The following VPS8 variants were observed in gnomAD, a reference collection of about 807,000 sequenced individuals.
The protein encoded by VPS8 is VPS8 subunit of CORVET complex, also known as vacuolar protein sorting-associated protein 8 homolog.
VPS8 carries 129 observed loss-of-function variants against 216.4 expected under a neutral mutation model. That is an observed-to-expected ratio of 0.60 (90% CI 0.52 to 0.69). VPS8 has a LOEUF of 0.69. Among genes scored for constraint, VPS8 ranks in the 30% least tolerant of loss-of-function variants. The probability of loss-of-function intolerance (pLI) is 0.00; values close to 1 mark genes in which losing one functional copy is unlikely to be tolerated. For missense variants in VPS8, 1,531 were observed against 1,683.5 expected, an observed-to-expected ratio of 0.91 and a Z score of 1.59; for synonymous variants, 571 against 565.4, an observed-to-expected ratio of 1.01 and a Z score of -0.14.
intron 2 of VPS8, 121 bp downstream of exon 2, chr3:184,824,906 T>A: frequency 6.6e-6 from 1 of 151,208 alleles, no homozygotes; most frequent in Non-Finnish European, 1.1e-5. Context: ...CTGTGTATAA[T>A]TTTTTTTTTT....
intron 37 of VPS8, among the ~76,000 whole-genome samples, chr3:184,963,237 T>C (rs1188953140): frequency 2.0e-5 from 3 of 152,144 alleles, no homozygotes; most frequent in Non-Finnish European, 4.4e-5. Flanking sequence ...CTCTGGAATT[T>C]TGATTTATGA....
In VPS8 at chr3:184,862,964, C is replaced by T. The variant is rs1560433972; in HGVS notation, c.1292C>T (p.Thr431Ile). ...AAGTTGCATGTGATTGATCGGCAAA[C>T]ACAAGAGGAATTGGAGACAGTGGAG... is the stretch of plus-strand genomic sequence containing the variant. ...VEKLHVIDRQTQEELETVEIS... is the reference protein window; with the variant it reads ...VEKLHVIDRQIQEELETVEIS... Residue 431 changes from threonine to isoleucine, a missense_variant, in exon 16 of 48, where the codon ACA becomes ATA. By Grantham distance (89) the Thr-to-Ile change is moderately conservative. Around this residue, in one of 3 missense-constraint regions of VPS8, gnomAD observed 1,318 missense variants for 1,468.4 expected, o/e 0.90. Transcript: ENST00000625842. The T allele has an allele frequency of 6.2e-7, 1 of 1,613,954 alleles. No individual in the cohort carries two copies. Among genetic ancestry groups the T allele is most frequent in the African/African-American group, 1.3e-5 (1 of 75,062 alleles).
intron 42 of VPS8, among the ~76,000 whole-genome samples, chr3:184,984,457 C>G (rs1002257740): frequency 2.0e-5 from 3 of 151,734 alleles, no homozygotes; most frequent in Non-Finnish European, 2.9e-5. Context: ...CCACGCCCAG[C>G]TGATTTTGTA....
intron 46 of VPS8, among the ~76,000 whole-genome samples, chr3:185,033,648 A>G (rs1758485036): frequency 6.6e-6 from 1 of 152,224 alleles, no homozygotes; most frequent in African/African-American, 2.4e-5. Context: ...TAGGACCATG[A>G]TTGCTGGATT....
At chr3:184,947,047 A>G (rs1743802430) in intron 36 of VPS8, among the ~76,000 whole-genome samples, 1 of 152,140 alleles carries the variant, frequency 6.6e-6, no homozygotes, top group Non-Finnish European at 1.5e-5. Flanking sequence ...TTACATAGTG[A>G]CAAGACAGGA....
At chr3:184,894,163 G>C (rs930728503) in intron 22 of VPS8, among the ~76,000 whole-genome samples, 1 of 152,054 alleles carries the variant, frequency 6.6e-6, no homozygotes. Context: ...ATTTTGGGAT[G>C]CAAAGGGTTA....
chr3:185,017,336 C>T (rs890904565), intron 45 of VPS8, among the ~76,000 whole-genome samples: 3 of 152,114 alleles, frequency 2.0e-5, no homozygotes, highest in East Asian at 1.9e-4. Flanking sequence ...CTACCAAACC[C>T]TTAAATTTCT....
chr3:184,913,271 A>G (rs1172377345), intron 25 of VPS8, among the ~76,000 whole-genome samples: 1 of 152,188 alleles, frequency 6.6e-6, no homozygotes, highest in Admixed American at 6.5e-5. Flanking sequence ...CCAACAGTAC[A>G]TAGATCTCTA....
At chr3:184,822,505 TAAA>T (rs1560256885) in intron 1 of VPS8, among the ~76,000 whole-genome samples, 1 of 152,226 alleles carries the variant, frequency 6.6e-6, no homozygotes, top group African/African-American at 2.4e-5. Context: ...TGGAAAGAGA[TAAA>T]ATATGAAACA....
chr3:184,971,515 C>A, intron 39 of VPS8, 134 bp from the exon 40 acceptor site: 1 of 558,188 alleles, frequency 1.8e-6, no homozygotes, highest in Non-Finnish European at 3.1e-6. Context: ...AAAACATTAG[C>A]ATCAGGTTTT....
intron 8 of VPS8, among the ~76,000 whole-genome samples, chr3:184,847,254 A>G (rs766308678): frequency 3.3e-5 from 5 of 152,210 alleles, no homozygotes; most frequent in Non-Finnish European, 7.4e-5. Context: ...AGGGATTACT[A>G]TTTAAGTCAT....
intron 46 of VPS8, among the ~76,000 whole-genome samples, chr3:185,043,402 C>T (rs1712133173): frequency 6.6e-6 from 1 of 152,190 alleles, no homozygotes; most frequent in South Asian, 2.1e-4. Context: ...CTTCCCAGCC[C>T]TTCCCTCACA....
intron 36 of VPS8, among the ~76,000 whole-genome samples, chr3:184,947,769 G>A (rs962293437): frequency 1.9e-4 from 29 of 152,058 alleles, no homozygotes; most frequent in African/African-American, 6.8e-4. Flanking sequence ...GATTTTTCTG[G>A]ATTGCTGTTT....
intron 39 of VPS8, among the ~76,000 whole-genome samples, chr3:184,969,532 C>T (rs1012747942): frequency 3.4e-5 from 5 of 146,814 alleles, no homozygotes; most frequent in African/African-American, 1.3e-4. Flanking sequence ...CGGGTTCAAG[C>T]GATCCTCCTG....
At chr3:184,823,592 T>TTTA (rs199720067) in intron 1 of VPS8, among the ~76,000 whole-genome samples, 3 of 152,188 alleles carry the variant, frequency 2.0e-5, no homozygotes, top group East Asian at 1.9e-4. Context: ...CAAAATGATC[T>TTTA]TTATTATTAT....
chr3:184,813,485 G>C (rs111528260), intron 1 of VPS8, among the ~76,000 whole-genome samples: 386 of 152,242 alleles, frequency 2.5e-3, no homozygotes, highest in Middle Eastern at 0.01. Flanking sequence ...GTAAGACGTG[G>C]GTTTGCTCAT....
chr3:184,849,428 A>C (rs1723840061), intron 9 of VPS8: 1 of 363,366 alleles, frequency 2.8e-6, no homozygotes. Context: ...TATTTGAGTA[A>C]ATAATTTTTG....
chr3:184,910,128 ATTTT>A (rs10707371), intron 25 of VPS8, among the ~76,000 whole-genome samples: 3 of 87,260 alleles, frequency 3.4e-5, no homozygotes, highest in Admixed American at 1.3e-4. Context: ...AGATTCTCCT[ATTTT>A]TTTTTTTTTT....
intron 45 of VPS8, among the ~76,000 whole-genome samples, chr3:185,002,139 G>A (rs1203803238): frequency 1.3e-5 from 2 of 152,134 alleles, no homozygotes; most frequent in Admixed American, 6.5e-5. Context: ...GGCAAGCAAG[G>A]ACCAAGTTAA....
Sources: gnomAD v4.1 joint callset for allele counts (sites outside exome capture counted in the v4.1 genomes callset) on GRCh38, gnomAD v4.1.1 for gene constraint, gnomAD v4.1.1 regional missense constraint, MANE v1.5 for transcripts, NCBI Gene and HGNC (gene_info 2026-07-23, HGNC 2026-07-21) for gene names.